Variants in NCKAP5 observed in about 807,000 individuals in gnomAD.
The protein encoded by NCKAP5 is NCK associated protein 5.
NCKAP5 carries 92 observed loss-of-function variants against 167.0 expected under a neutral mutation model. The observed-to-expected ratio is 0.55, with a 90% CI of 0.47 to 0.66. The LOEUF (loss-of-function observed/expected upper bound fraction) is 0.66, where lower values mean the gene tolerates loss of function less well. Among genes scored for constraint, NCKAP5 ranks in the 30% least tolerant of loss-of-function variants. The pLI, the probability that NCKAP5 is intolerant of heterozygous loss-of-function variation, is 0.00. For missense variants in NCKAP5, 2,378 were observed against 2,315.0 expected (o/e 1.03, Z -0.56); for synonymous variants, 891 against 877.4 (o/e 1.02, Z -0.27).
chr2:133,557,682 T>A (rs1687837924), intron 2 of NCKAP5, among the ~76,000 whole-genome samples: 1 of 152,264 alleles, frequency 6.6e-6, no homozygotes, highest in Non-Finnish European at 1.5e-5. Flanking sequence ...CTGTTAATCT[T>A]CTGTAGAGGT....
At chr2:133,022,487 A>G (rs2078560901) in intron 6 of NCKAP5, among the ~76,000 whole-genome samples, 1 of 152,150 alleles carries the variant, frequency 6.6e-6, no homozygotes, top group African/African-American at 2.4e-5. Flanking sequence ...TTATCTGCCT[A>G]AAGATGGATC....
intron 3 of NCKAP5, among the ~76,000 whole-genome samples, chr2:133,468,080 C>A (rs1212317556): frequency 8.2e-6 from 1 of 121,254 alleles, no homozygotes; most frequent in African/African-American, 3.6e-5. Flanking sequence ...TCTTGCTTTT[C>A]TAGTTCTTTT....
chr2:132,847,998 G>T (rs141300609), intron 11 of NCKAP5, among the ~76,000 whole-genome samples: 4 of 152,234 alleles, frequency 2.6e-5, no homozygotes, highest in Middle Eastern at 3.4e-3. Context: ...TGTGTTTAAT[G>T]GTTCCTCTTA....
At chr2:132,963,992 A>C in intron 7 of NCKAP5, 123 bp from the exon 8 acceptor site, 1 of 1,115,522 alleles carries the variant, frequency 9.0e-7, no homozygotes, top group Non-Finnish European at 1.3e-6. Context: ...GAGTTTGCTA[A>C]ACAAATTCTG....
intron 2 of NCKAP5, among the ~76,000 whole-genome samples, chr2:133,534,369 A>G (rs1295397756): frequency 1.3e-5 from 2 of 152,188 alleles, no homozygotes; most frequent in African/African-American, 4.8e-5. Context: ...TGATCCATTT[A>G]AAGTGTACAC....
intron 5 of NCKAP5, among the ~76,000 whole-genome samples, chr2:133,202,418 T>A (rs1216327246): frequency 1.3e-5 from 2 of 152,120 alleles, no homozygotes; most frequent in African/African-American, 2.4e-5. Context: ...ATGTTAGACC[T>A]AAAACCATCA....
At chr2:133,488,283 T>C (rs1187836181) in intron 3 of NCKAP5, among the ~76,000 whole-genome samples, 1 of 152,158 alleles carries the variant, frequency 6.6e-6, no homozygotes, top group Non-Finnish European at 1.5e-5. Context: ...TCATCTTTGA[T>C]GAAAAGCAAA....
chr2:132,683,061 T>TTTAGTAGAGA (rs761524964), intron 19 of NCKAP5, among the ~76,000 whole-genome samples: 3 of 151,914 alleles, frequency 2.0e-5, no homozygotes, highest in Non-Finnish European at 4.4e-5. Context: ...TTTTTGTATT[T>TTTAGTAGAGA]TTAGTAGAGA....
intron 3 of NCKAP5, among the ~76,000 whole-genome samples, chr2:133,405,238 C>T (rs1370439260): frequency 6.6e-6 from 1 of 152,176 alleles, no homozygotes; most frequent in Non-Finnish European, 1.5e-5. Flanking sequence ...TTTAAAGACA[C>T]TTTATTTAGC....
chr2:132,880,163 G>A (rs1691636823), intron 8 of NCKAP5, among the ~76,000 whole-genome samples: 1 of 152,196 alleles, frequency 6.6e-6, no homozygotes, highest in Non-Finnish European at 1.5e-5. Context: ...AGGTGCGAGA[G>A]GGGATGAAGA....
chr2:132,770,420 T>C (rs1681931653), intron 16 of NCKAP5, among the ~76,000 whole-genome samples: 2 of 148,010 alleles, frequency 1.4e-5, no homozygotes, highest in South Asian at 4.2e-4. Context: ...TATATAATAA[T>C]ATAGTATATA....
At chr2:133,561,415 C>A (rs1688148774) in intron 1 of NCKAP5, among the ~76,000 whole-genome samples, 1 of 152,146 alleles carries the variant, frequency 6.6e-6, no homozygotes, top group Non-Finnish European at 1.5e-5. Flanking sequence ...AAATAAATGT[C>A]ATTTTGAGCA....
intron 6 of NCKAP5, among the ~76,000 whole-genome samples, chr2:133,064,514 A>G (rs192157431): frequency 6.6e-6 from 1 of 152,364 alleles, no homozygotes; most frequent in East Asian, 1.9e-4. Context: ...CAGATTAAGA[A>G]AAAGTGTTAA....
At chr2:133,334,938 G>C (rs958495575) in intron 3 of NCKAP5, among the ~76,000 whole-genome samples, 38 of 152,176 alleles carry the variant, frequency 2.5e-4, no homozygotes, top group African/African-American at 8.7e-4. Flanking sequence ...GAATCAAAAA[G>C]AATAGAAAGC....
chr2:133,130,942 A>G (rs1310508155), intron 5 of NCKAP5, among the ~76,000 whole-genome samples: 3 of 152,164 alleles, frequency 2.0e-5, no homozygotes, highest in East Asian at 3.8e-4. Flanking sequence ...CAGGATATAC[A>G]CTCTATGATG....
chr2:132,701,086 AAATAT>A (rs1314313965), intron 19 of NCKAP5, among the ~76,000 whole-genome samples: 1 of 151,952 alleles, frequency 6.6e-6, no homozygotes, highest in Non-Finnish European at 1.5e-5. Context: ...TTACATATAT[AAATAT>A]AATATATACA....
chr2:133,072,081 C>CTTTT (rs56234235), intron 6 of NCKAP5, among the ~76,000 whole-genome samples: 3 of 145,078 alleles, frequency 2.1e-5, no homozygotes, highest in Admixed American at 6.8e-5. Flanking sequence ...TTTATCCAGG[C>CTTTT]TTTTTTTTTT....
intron 3 of NCKAP5, among the ~76,000 whole-genome samples, chr2:133,447,526 T>A (rs1391198567): frequency 6.9e-6 from 1 of 144,022 alleles, no homozygotes; most frequent in East Asian, 2.1e-4. Flanking sequence ...TTTCCCTTCC[T>A]TTCCCTTCCT....
chr2:132,861,162 C>G (rs896459632), intron 10 of NCKAP5, among the ~76,000 whole-genome samples: 1 of 152,072 alleles, frequency 6.6e-6, no homozygotes, highest in African/African-American at 2.4e-5. Context: ...TTGCCACTTG[C>G]CCATCCTCTG....
Sources: allele counts gnomAD v4.1 joint callset (sites outside exome capture counted in the v4.1 genomes callset), GRCh38; gene constraint gnomAD v4.1.1; transcripts MANE v1.5; gene names NCBI Gene and HGNC (gene_info 2026-07-23, HGNC 2026-07-21).